PRPF4: variants seen among roughly 807,000 people sequenced by gnomAD.
The protein encoded by PRPF4 is U4/U6 small nuclear ribonucleoprotein Prp4.
A neutral mutation model predicts 72.2 loss-of-function variants in PRPF4; 14 were observed. The ratio of observed to expected loss-of-function variants is 0.19; its 90% CI spans 0.13 to 0.30. The LOEUF is 0.30. PRPF4 is among the 10% of genes least tolerant of loss of function. The pLI, the probability that PRPF4 is intolerant of heterozygous loss-of-function variation, is 1.00. For missense variants in PRPF4, 478 were observed against 653.9 expected (o/e 0.73, Z 2.93); for synonymous variants, 225 against 232.2 (o/e 0.97, Z 0.28).
At position 113,292,425 on chromosome 9, in the gene PRPF4, A is replaced by C. The variant is rs1032785315; in HGVS notation, c.*765A>C. ...CATCTCACCACTCATTGGTTAAACA[A>C]TGCATCATAGCGAGCACTTTTCCTT... On this transcript the variant is annotated 3_prime_UTR_variant, in exon 14 of 14. Transcript: ENST00000374198. 1 of 152,122 alleles carries C rather than the reference A, an allele frequency of 6.6e-6. No individual in the cohort carries two copies. Among genetic ancestry groups the C allele is most frequent in the Non-Finnish European group, 1.5e-5 (1 of 68,046 alleles). The allele number at this position is 152,122 out of a possible 1,614,324, so 9.4% of individuals were successfully genotyped here.
rs150547346 is a variant in PRPF4, at chr9:113,288,480, A to T, written c.1022+216A>T. On this transcript the variant is annotated intron_variant, in intron 10 of 13. Coordinates refer to ENST00000374198, the MANE Select transcript of PRPF4 (RefSeq NM_001244926.2). ...GAGGTGGAGTCTCACTCTGTCACCC[A>T]GGCTGGAGTGCAGTGGCGCGATCTC... Among the ~76,000 whole-genome samples, 991 of 149,786 alleles carry T rather than the reference A, an allele frequency of 6.6e-3. 78 individuals are homozygous for T. The East Asian group carries it at 0.17, about 26-fold the overall frequency.
chr9:113,282,019 G>A (rs566779711), intron 3 of PRPF4, among the ~76,000 whole-genome samples: 6 of 152,276 alleles, frequency 3.9e-5, no homozygotes, highest in East Asian at 3.9e-4. Flanking sequence ...GTGAAAGTTG[G>A]CAGTCTTCAC....
chr9:113,291,334 C>T lies in PRPF4; in HGVS notation c.1373-133C>T, dbSNP rs1459130422. On this transcript the variant is annotated intron_variant, in intron 13 of 13. Coordinates refer to ENST00000374198, the MANE Select transcript of PRPF4 (RefSeq NM_001244926.2). ...TCAGGGAATGAGCCAAAAGACCTTA[C>T]TGTTATTTGTTCCCTTAAGTCTGTA... is the stretch of plus-strand genomic sequence containing the variant. 16 of 876,586 alleles carry T rather than the reference C, an allele frequency of 1.8e-5. No individual in the cohort carries two copies. In the South Asian group the frequency reaches 2.7e-4, roughly 15 times the overall value. The allele number at this position is 876,586 out of a possible 1,614,324, so 54.3% of individuals were successfully genotyped here.
In PRPF4 at chr9:113,284,512, A is replaced by T; in HGVS notation, c.749+123A>T. ...TCTCTGCTTCTCATGATCACACCAAACTACAGATGTCAGTCAGTGCTCTAC... is the reference window on the plus strand; with the variant it reads ...TCTCTGCTTCTCATGATCACACCAATCTACAGATGTCAGTCAGTGCTCTAC... On this transcript the variant is annotated intron_variant, in intron 7 of 13. Transcript: ENST00000374198. 3.8e-6 allele frequency: 3 copies of T among 782,996 alleles called. No individual in the cohort carries two copies. In the South Asian group the frequency reaches 4.6e-5, roughly 12 times the overall value. The allele number at this position is 782,996 out of a possible 1,614,324, so 48.5% of individuals were successfully genotyped here. A position where few individuals can be genotyped will look rare whatever the true frequency, so the allele number is the denominator to read the frequency against.
At chr9:113,284,194 C>A in intron 6 of PRPF4, 101 bp from the exon 7 acceptor site, 3 of 866,574 alleles carry the variant, frequency 3.5e-6, no homozygotes, top group Non-Finnish European at 5.4e-6. Flanking sequence ...TGGGTTAAAA[C>A]TGAAAAGCTG....
chr9:113,291,438 C>T (rs1832605782), intron 13 of PRPF4, 29 bp from the exon 14 acceptor site: 4 of 1,571,678 alleles, frequency 2.5e-6, no homozygotes, highest in Non-Finnish European at 3.5e-6. Flanking sequence ...TTGAATTCCT[C>T]AAGCAATTCC....
At chr9:113,284,411 C>T in intron 7 of PRPF4, 22 bp downstream of exon 7, 1 of 1,568,164 alleles carries the variant, frequency 6.4e-7, no homozygotes, top group South Asian at 1.1e-5. Context: ...TTTACAATGA[C>T]ATTTTTTCCT....
chr9:113,289,078 A>C (rs899045834), intron 10 of PRPF4, among the ~76,000 whole-genome samples: 1 of 152,114 alleles, frequency 6.6e-6, no homozygotes, highest in African/African-American at 2.4e-5. Flanking sequence ...TGCTGATCTG[A>C]CTTCTATCAC....
chr9:113,282,818 T>A (rs1832322592), intron 4 of PRPF4, 85 bp downstream of exon 4: 1 of 1,210,180 alleles, frequency 8.3e-7, no homozygotes. Context: ...ATGGTTTGTT[T>A]TGCTGAGATG....
At chr9:113,289,861 A>G (rs1832557292) in intron 10 of PRPF4, among the ~76,000 whole-genome samples, 1 of 152,206 alleles carries the variant, frequency 6.6e-6, no homozygotes, top group Non-Finnish European at 1.5e-5. Flanking sequence ...AAAGAATATA[A>G]CAGTGGAGGA....
Position 113,283,016 on chromosome 9 carries a change from A to T in PRPF4, c.481-116A>T. 3 of 1,540,504 alleles carry T rather than the reference A, an allele frequency of 1.9e-6. 1 individual carries two copies. The South Asian group carries it at 3.8e-5, about 19-fold the overall frequency. ...AGTAGAAAGTCCTCTGCCTGATTTC[A>T]TCCTATTACCGAATGAATTCACCTT... is the stretch of plus-strand genomic sequence containing the variant. On this transcript the variant is annotated intron_variant, in intron 4 of 13. Transcript: ENST00000374198.
rs201263211 is a variant in PRPF4, at chr9:113,281,169, AT to A, written c.393-1471del. ...CTACCGCGCCCGGCCTTTCTTCTTC[AT>A]TTTTTATTAACCTGGATCCCTGTCA... On this transcript the variant is annotated intron_variant, in intron 3 of 13. Coordinates refer to ENST00000374198, the MANE Select transcript of PRPF4 (RefSeq NM_001244926.2). Among the ~76,000 whole-genome samples the A allele has an allele frequency of 1.4e-3, 210 of 152,116 alleles. 1 individual carries two copies. In the East Asian group the frequency reaches 0.037, roughly 27 times the overall value.
chr9:113,275,842 G>A (rs958851285), intron 1 of PRPF4, 72 bp downstream of exon 1: 22 of 1,586,664 alleles, frequency 1.4e-5, no homozygotes, highest in Middle Eastern at 1.7e-4. Flanking sequence ...GCGGGAAGGG[G>A]CCGTTAAGGA....
chr9:113,276,816 T>G (rs1832114205), intron 2 of PRPF4, 91 bp downstream of exon 2: 3 of 1,432,010 alleles, frequency 2.1e-6, no homozygotes, highest in Non-Finnish European at 2.8e-6. Flanking sequence ...TGTCAAAAAA[T>G]TACAATTTTT....
chr9:113,290,538 G>A lies in PRPF4; in HGVS notation c.1095G>A (p.Met365Ile), dbSNP rs1450202231. The change falls in exon 11 of 14, where the codon ATG (methionine) becomes ATA (isoleucine). Residue 365 changes from methionine (M) to isoleucine (I), a missense_variant. Met to Ile is a conservative substitution (Grantham distance 10). Transcript: ENST00000374198. ...TCCTGCATCAGGAAGGCCATAGCAT[G>A]GGTGTGTATGACATTGCCTTCCATC... The part of the protein sequence containing the change: ...EEILHQEGHS[M>I]GVYDIAFHQD... The A allele has an allele frequency of 2.5e-6, 4 of 1,614,210 alleles. No individual in the cohort carries two copies. The highest frequency in any genetic ancestry group is 1.1e-5 in the South Asian group (1 of 91,074).
chr9:113,288,104 C>A, intron 9 of PRPF4, 71 bp from the exon 10 acceptor site: 1 of 1,432,356 alleles, frequency 7.0e-7, no homozygotes, highest in Non-Finnish European at 9.7e-7. Context: ...GGTATGTCTG[C>A]ACAGAAGGTA....
In PRPF4 at chr9:113,285,561, G is replaced by A. The variant is rs972574974; in HGVS notation, c.750-671G>A. On this transcript the variant is annotated intron_variant, in intron 7 of 13. Coordinates refer to ENST00000374198, the MANE Select transcript of PRPF4 (RefSeq NM_001244926.2). ...ACCCAGCTAATTTTTTGTATTTTTA[G>A]TAGAGACAGGGTTTCACCGTGTTAG... is the stretch of plus-strand genomic sequence containing the variant. Among the ~76,000 whole-genome samples, 2 of 150,556 alleles carry A rather than the reference G, an allele frequency of 1.3e-5. 1 individual carries two copies. The highest frequency in any genetic ancestry group is 4.0e-4 in the East Asian group (2 of 5,016).
chr9:113,288,408 T>C (rs1832512717), intron 10 of PRPF4, 144 bp downstream of exon 10: 2 of 727,984 alleles, frequency 2.7e-6, no homozygotes, highest in South Asian at 1.9e-5. Context: ...CAGAGGAGAA[T>C]GTTTAATATA....
intron 12 of PRPF4, 33 bp from the exon 13 acceptor site, chr9:113,290,865 A>G (rs771315391): frequency 1.2e-6 from 2 of 1,612,338 alleles, no homozygotes; most frequent in African/African-American, 1.3e-5. Context: ...TAAGTACTCT[A>G]TTTCTAACTT....
Sources: gnomAD v4.1 joint callset for allele counts (sites outside exome capture counted in the v4.1 genomes callset) on GRCh38, gnomAD v4.1.1 for gene constraint, MANE v1.5 for transcripts, NCBI Gene and HGNC (gene_info 2026-07-23, HGNC 2026-07-21) for gene names.